EP300: variants seen among roughly 807,000 people sequenced by gnomAD.
EP300 encodes the protein histone acetyltransferase p300.
In EP300, 31 loss-of-function variants were observed where a neutral mutation model predicts 264.0. The ratio of observed to expected loss-of-function variants is 0.12; its 90% CI spans 0.09 to 0.16. The LOEUF (loss-of-function observed/expected upper bound fraction) is 0.16. Ranked by LOEUF, EP300 falls within the 10% of genes least tolerant of loss-of-function variation. The pLI is 1.00. For synonymous variants in EP300, 1,340 were observed against 1,045.4 expected (o/e 1.28, Z -5.44); for missense variants, 2,766 against 3,052.9 (o/e 0.91, Z 2.21).
chr22:41,117,737 T>C lies in EP300; in HGVS notation c.645T>C (p.Ala215=). 3.7e-6 allele frequency: 6 copies of C among 1,614,210 alleles called. No homozygotes were observed. The highest frequency in any genetic ancestry group is 5.1e-6 in the Non-Finnish European group (6 of 1,180,030). The change falls in exon 2 of 31, where the codon GCT becomes GCC. Residue 215 remains alanine, a synonymous_variant. Transcript: ENST00000263253. The part of the protein sequence containing the change: ...MQYPNPGMGS[A]GNLLTEPLQQ... ...ACCCAAACCCAGGCATGGGAAGTGC[T>C]GGCAACTTACTGACTGAGCCTCTTC...
Position 41,167,572 on chromosome 22 carries a change from GTGTGTGTGTGTGTATATATATATATA to G in EP300, c.3875-875_3875-850del, listed in dbSNP as rs1202354340. On this transcript the variant is annotated intron_variant, in intron 23 of 30. Coordinates refer to ENST00000263253, the MANE Select transcript of EP300 (RefSeq NM_001429.4). Reference sequence around the variant, plus strand: ...ATTGTTTATATATTTGTGTGTGTGTGTGTGTGTGTGTGTATATATATATATATATATATATATATATATATATATAT... The same window carrying G: ...ATTGTTTATATATTTGTGTGTGTGTGTATATATATATATATATATATATAT... 1.1e-3 allele frequency among the ~76,000 whole-genome samples: 104 copies of G among 95,482 alleles called. 3 individuals carry two copies. The highest frequency in any genetic ancestry group is 5.5e-3 in the African/African-American group (99 of 17,894). 62.6% of individuals were successfully genotyped at this position (95,482 alleles called of 152,430 possible). A position where few individuals can be genotyped will look rare whatever the true frequency, so the allele number is the denominator to read the frequency against.
chr22:41,157,090 A>G (rs2059081454), intron 17 of EP300, 79 bp from the exon 18 acceptor site: 14 of 1,579,008 alleles, frequency 8.9e-6, no homozygotes, highest in Non-Finnish European at 1.2e-5. Flanking sequence ...TGGAAAATTA[A>G]CAATGATAAT....
At position 41,179,102 on chromosome 22, in the gene EP300, T is replaced by C; in HGVS notation, c.*146T>C. 2 of 889,130 alleles carry C rather than the reference T, an allele frequency of 2.2e-6. No homozygotes were observed. The highest frequency in any genetic ancestry group is 5.2e-5 in the East Asian group (2 of 38,134). 55.1% of individuals were successfully genotyped at this position (889,130 alleles called of 1,614,324 possible). Reference sequence around the variant, plus strand: ...AGAACTGTGCAGTAGCCGTTTGTGGTTTAAAGCAAACATGCAAGATGAACC... The same window carrying C: ...AGAACTGTGCAGTAGCCGTTTGTGGCTTAAAGCAAACATGCAAGATGAACC... On this transcript the variant is annotated 3_prime_UTR_variant, in exon 31 of 31. Transcript: ENST00000263253.
intron 1 of EP300, among the ~76,000 whole-genome samples, chr22:41,114,658 C>T (rs1489140979): frequency 6.6e-6 from 1 of 152,032 alleles, no homozygotes; most frequent in Non-Finnish European, 1.5e-5. Flanking sequence ...TGCCAGTAGG[C>T]AAGGAGCTGG....
rs947846464 is a variant in EP300, at chr22:41,149,998, C to G, written c.2617C>G (p.Pro873Ala). 2.5e-6 allele frequency: 4 copies of G among 1,614,048 alleles called. No homozygotes were observed. Among genetic ancestry groups the G allele is most frequent in the Non-Finnish European group, 3.4e-6 (4 of 1,180,022 alleles). Residue 873 changes from proline (P) to alanine (A), a missense_variant, in exon 14 of 31, where the codon CCA becomes GCA. Coordinates refer to ENST00000263253, the MANE Select transcript of EP300 (RefSeq NM_001429.4). ...VPTPPAMPPGPQSQALHPPPR... is the reference protein window; with the variant it reads ...VPTPPAMPPGAQSQALHPPPR... ...TACACCTCCTGCCATGCCACCTGGG[C>G]CACAGTCCCAGGCTCTACATCCCCC...
rs536067363 is a variant in EP300, at chr22:41,119,110, T to C, written c.729+1289T>C. 6.0e-5 allele frequency among the ~76,000 whole-genome samples: 9 copies of C among 149,466 alleles called. No homozygotes were observed. In the South Asian group the frequency reaches 1.9e-3, roughly 32 times the overall value. ...CTCAACCTACCAGGCTTAAACAGTC[T>C]TCTCGCCTCAGCCTCCTGAGTAGCT... On this transcript the variant is annotated intron_variant, in intron 2 of 30. Coordinates refer to ENST00000263253, the MANE Select transcript of EP300 (RefSeq NM_001429.4).
rs546292445 is a variant in EP300 at position 41,117,195 on chromosome 22, T to G, written c.103T>G (p.Ser35Ala). ...TTTCCCTTTGCTTTTAGATTTTGGC[T>G]CTCTATTTGACTTGGAGCACGACTT... ...ASASDGTDFGSLFDLEHDLPD... is the reference protein window; with the variant it reads ...ASASDGTDFGALFDLEHDLPD... Residue 35 changes from serine (S) to alanine (A), a missense_variant, in exon 2 of 31, where the codon TCT becomes GCT. Ser to Ala is a moderately conservative substitution (Grantham distance 99, BLOSUM62 1). Coordinates refer to ENST00000263253, the MANE Select transcript of EP300 (RefSeq NM_001429.4). The G allele has an allele frequency of 2.0e-5, 32 of 1,614,178 alleles. No individual in the cohort carries two copies. Among genetic ancestry groups the G allele is most frequent in the African/African-American group, 8.0e-5 (6 of 75,036 alleles).
chr22:41,140,097 A>G, intron 8 of EP300, 43 bp from the exon 9 acceptor site: 2 of 1,384,578 alleles, frequency 1.4e-6, no homozygotes, highest in Non-Finnish European at 2.1e-6. Context: ...ATACTAATTA[A>G]ATGCTGACAT....
intron 19 of EP300, chr22:41,158,845 CT>C: frequency 7.4e-6 from 2 of 268,578 alleles, no homozygotes; most frequent in Non-Finnish European, 1.5e-5. Context: ...GATTTTTAAA[CT>C]TTTAACTGAA....
At chr22:41,145,848 G>A (rs2059007705) in intron 10 of EP300, among the ~76,000 whole-genome samples, 1 of 151,868 alleles carries the variant, frequency 6.6e-6, no homozygotes. Flanking sequence ...TGCTATCTAG[G>A]ATGGTCTCGA....
In EP300 at chr22:41,177,720, C is replaced by T; in HGVS notation, c.6009C>T (p.Pro2003=). Residue 2003 remains proline, a synonymous_variant, in exon 31 of 31, where the codon CCC becomes CCT. Transcript: ENST00000263253. ...GGAGCCAAGGAGGATTGCCTCAGCC[C>T]CAGCAACTACAGTCTGGGATGCCAA... is the stretch of plus-strand genomic sequence containing the variant. The part of the protein sequence containing the change: ...PPWSQGGLPQ[P]QQLQSGMPRP... The T allele has an allele frequency of 6.8e-6, 11 of 1,613,824 alleles. No homozygotes were observed. The highest frequency in any genetic ancestry group is 9.3e-6 in the Non-Finnish European group (11 of 1,180,016).
At position 41,178,767 on chromosome 22, in the gene EP300, A is replaced by G. The variant is rs2145523640; in HGVS notation, c.7056A>G (p.Val2352=). Residue 2352 remains valine (V), a synonymous_variant, in exon 31 of 31, where the codon GTA becomes GTG. Coordinates refer to ENST00000263253, the MANE Select transcript of EP300 (RefSeq NM_001429.4). ...CAAGTTCCCCACATCCTGGACTGGT[A>G]GCTGCCCAGGCCAACCCCATGGAAC... The part of the protein sequence containing the change: ...PQTSSPHPGL[V]AAQANPMEQG... 1.2e-6 allele frequency: 2 copies of G among 1,614,088 alleles called. No homozygotes were observed. Among genetic ancestry groups the G allele is most frequent in the South Asian group, 1.1e-5 (1 of 91,084 alleles).
intron 1 of EP300, among the ~76,000 whole-genome samples, chr22:41,096,037 G>A (rs183003835): frequency 2.0e-5 from 3 of 152,090 alleles, no homozygotes; most frequent in Admixed American, 6.5e-5. Flanking sequence ...CTTATTTGTA[G>A]CCTTCACACC....
chr22:41,166,464 G>T, intron 22 of EP300, 135 bp from the exon 23 acceptor site: 2 of 671,506 alleles, frequency 3.0e-6, no homozygotes, highest in Non-Finnish European at 5.2e-6. Context: ...AGCTCTTTGT[G>T]TATTAGTTTT....
intron 2 of EP300, among the ~76,000 whole-genome samples, chr22:41,119,664 G>C (rs1046673475): frequency 6.6e-6 from 1 of 152,084 alleles, no homozygotes; most frequent in Non-Finnish European, 1.5e-5. Context: ...GCTTGGGGGT[G>C]TGGGACTATT....
At chr22:41,097,226 G>C (rs1315696016) in intron 1 of EP300, among the ~76,000 whole-genome samples, 1 of 152,220 alleles carries the variant, frequency 6.6e-6, no homozygotes, top group Admixed American at 6.5e-5. Flanking sequence ...GGTTGTCTCT[G>C]GTTGATAGTG....
chr22:41,118,735 C>T (rs901902976), intron 2 of EP300, among the ~76,000 whole-genome samples: 2 of 151,686 alleles, frequency 1.3e-5, no homozygotes, highest in African/African-American at 4.8e-5. Context: ...GCTAGAGGAT[C>T]GCTTGAGCCC....
At chr22:41,158,340 G>A (rs144821249) in intron 18 of EP300, 72 bp from the exon 19 acceptor site, 1 of 1,219,468 alleles carries the variant, frequency 8.2e-7, no homozygotes, top group Admixed American at 1.8e-5. Flanking sequence ...TTCTGTTTCT[G>A]ACTTGCCATT....
intron 1 of EP300, among the ~76,000 whole-genome samples, chr22:41,112,188 A>AAGATGAATCTTATATTTTCTTTAT: frequency 6.7e-6 from 1 of 148,196 alleles, no homozygotes; most frequent in East Asian, 2.0e-4. Flanking sequence ...ATGCCTGGCC[A>AAGATGAATCTTATATTTTCTTTAT]CCTATTTTTT....
Sources: allele counts gnomAD v4.1 joint callset (sites outside exome capture counted in the v4.1 genomes callset), GRCh38; gene constraint gnomAD v4.1.1; transcripts MANE v1.5; gene names NCBI Gene and HGNC (gene_info 2026-07-23, HGNC 2026-07-21).